The following PAK5 variants were observed in gnomAD, a reference collection of about 807,000 sequenced individuals.
PAK5 encodes the protein p21 (RAC1) activated kinase 5.
In PAK5, 16 loss-of-function variants were observed where a neutral mutation model predicts 65.9. The ratio of observed to expected loss-of-function variants is 0.24; its 90% CI spans 0.16 to 0.37. The LOEUF (loss-of-function observed/expected upper bound fraction) is 0.37, where lower values mean the gene tolerates loss of function less well. Among genes scored for constraint, PAK5 ranks in the 10% least tolerant of loss-of-function variants. The probability of loss-of-function intolerance (pLI) is 1.00; values close to 1 mark genes in which losing one functional copy is unlikely to be tolerated. For synonymous variants in PAK5, 371 were observed against 354.9 expected (o/e 1.05, Z -0.51); for missense variants, 785 against 903.9 (o/e 0.87, Z 1.69).
At chr20:9,675,195 C>T (rs565196680) in intron 2 of PAK5, among the ~76,000 whole-genome samples, 3 of 151,760 alleles carry the variant, frequency 2.0e-5, no homozygotes, top group Non-Finnish European at 4.4e-5. Context: ...ATATATATGA[C>T]AAAAAATAAA....
chr20:9,707,098 T>C (rs1168970098), intron 2 of PAK5, among the ~76,000 whole-genome samples: 3 of 152,160 alleles, frequency 2.0e-5, no homozygotes, highest in African/African-American at 7.2e-5. Context: ...AAATACATAC[T>C]ATCCTGCTGT....
At chr20:9,600,852 G>A (rs942302070) in intron 3 of PAK5, among the ~76,000 whole-genome samples, 1 of 152,178 alleles carries the variant, frequency 6.6e-6, no homozygotes, top group Non-Finnish European at 1.5e-5. Flanking sequence ...AAAGGAGAAC[G>A]GTTAGGGCCC....
intron 2 of PAK5, among the ~76,000 whole-genome samples, chr20:9,687,233 G>A (rs571755283): frequency 2.6e-5 from 4 of 152,280 alleles, no homozygotes; most frequent in South Asian, 2.1e-4. Context: ...TATGGGTGGC[G>A]CTCAGAGAGC....
rs138984794 is a variant in PAK5 at position 9,766,051 on chromosome 20, G to A, written c.-161-54616C>T. Among the ~76,000 whole-genome samples the A allele has an allele frequency of 8.3e-3, 1,264 of 151,764 alleles. 35 individuals carry two copies. The highest frequency in any genetic ancestry group is 0.07 in the East Asian group (356 of 5,110). On this transcript the variant is annotated intron_variant, in intron 1 of 9. Coordinates refer to ENST00000353224, the MANE Select transcript of PAK5 (RefSeq NM_177990.4). ...ATCCTGGCCAAAATGGTGAAACCCC[G>A]TTTCTACTAAAAATACAAAATTTAG...
At chr20:9,631,894 T>C (rs1350492337) in intron 3 of PAK5, among the ~76,000 whole-genome samples, 3 of 152,212 alleles carry the variant, frequency 2.0e-5, no homozygotes, top group African/African-American at 7.2e-5. Context: ...AGTATAAAGT[T>C]GACAGCATAA....
At chr20:9,649,012 C>T (rs2047170381) in intron 2 of PAK5, among the ~76,000 whole-genome samples, 2 of 152,198 alleles carry the variant, frequency 1.3e-5, no homozygotes, top group Admixed American at 6.5e-5. Flanking sequence ...TACCTCCTTC[C>T]ACTCCTCAGT....
chr20:9,640,137 T>A (rs983594216), intron 3 of PAK5, among the ~76,000 whole-genome samples: 1 of 151,760 alleles, frequency 6.6e-6, no homozygotes, highest in Non-Finnish European at 1.5e-5. Context: ...ACATGTGCCA[T>A]GTTGGTGTGC....
At chr20:9,773,945 TACTGGACAGAGC>T (rs1349774014) in intron 1 of PAK5, among the ~76,000 whole-genome samples, 6 of 152,202 alleles carry the variant, frequency 3.9e-5, no homozygotes, top group Admixed American at 6.5e-5. Context: ...TGTTTTCTCA[TACTGGACAGAGC>T]ACTGGACAGT....
intron 1 of PAK5, among the ~76,000 whole-genome samples, chr20:9,808,415 A>G (rs2049258579): frequency 6.6e-6 from 1 of 152,314 alleles, no homozygotes; most frequent in South Asian, 2.1e-4. Flanking sequence ...GAGAATTGAA[A>G]ATGTATGTTC....
chr20:9,646,199 T>A (rs1446211325), intron 2 of PAK5, among the ~76,000 whole-genome samples: 1 of 152,238 alleles, frequency 6.6e-6, no homozygotes, highest in East Asian at 1.9e-4. Context: ...TTACTTCTTT[T>A]AAACACTTGT....
chr20:9,820,830 A>G (rs945963829), intron 1 of PAK5, among the ~76,000 whole-genome samples: 2 of 150,474 alleles, frequency 1.3e-5, no homozygotes, highest in African/African-American at 4.9e-5. Context: ...GAGCCCTGAA[A>G]TGAGAACCAG....
chr20:9,766,396 A>ACT (rs1481132182), intron 1 of PAK5, among the ~76,000 whole-genome samples: 1,084 of 83,830 alleles, frequency 0.013, 157 homozygotes, highest in East Asian at 0.024. Context: ...ATGTATATAT[A>ACT]TATTCAAGCA....
rs141316621 is a variant in PAK5, at chr20:9,578,203, G to T, written c.990+1942C>A. On this transcript the variant is annotated intron_variant, in intron 4 of 9. Transcript: ENST00000353224. The stretch of plus-strand genomic sequence containing the variant: ...TTATGAAACTGTAAGTGTGTCATGT[G>T]GCTCTCTGGGCCTCAGTTTCCCCTT... 3.5e-4 allele frequency among the ~76,000 whole-genome samples: 53 copies of T among 152,258 alleles called. No individual in the cohort carries two copies. In the East Asian group the frequency reaches 0.01, roughly 29 times the overall value.
At chr20:9,810,106 T>G (rs984844218) in intron 1 of PAK5, among the ~76,000 whole-genome samples, 1 of 152,188 alleles carries the variant, frequency 6.6e-6, no homozygotes, top group Non-Finnish European at 1.5e-5. Context: ...TCCTTCCACC[T>G]GTGCAGCAGT....
Position 9,565,980 on chromosome 20 carries a change from G to T in PAK5, c.1395C>A (p.Ile465=), listed in dbSNP as rs2045669990. The change falls in exon 5 of 10, where the codon ATC becomes ATA. Residue 465 remains isoleucine (I), a synonymous_variant. Transcript: ENST00000353224. ...GTTTCCCTGTGTGTTTCTCGGTGGC[G>T]ATGCATACGATGCCGGTTGAGCCTT... The part of the protein sequence containing the change: ...IGEGSTGIVC[I]ATEKHTGKQV... 4 of 1,589,250 alleles carry T rather than the reference G, an allele frequency of 2.5e-6. No homozygotes were observed. Among genetic ancestry groups the T allele is most frequent in the Admixed American group, 1.7e-5 (1 of 57,746 alleles).
chr20:9,562,769 G>A, intron 6 of PAK5, 122 bp downstream of exon 6: 1 of 782,618 alleles, frequency 1.3e-6, no homozygotes. Context: ...GTAGGGGAAA[G>A]GGTAGTCATA....
intron 1 of PAK5, among the ~76,000 whole-genome samples, chr20:9,816,383 C>A (rs1380375972): frequency 6.6e-6 from 1 of 152,132 alleles, no homozygotes; most frequent in African/African-American, 2.4e-5. Flanking sequence ...TCGCAGAATG[C>A]CCACATATCT....
At chr20:9,692,290 T>C (rs184094485) in intron 2 of PAK5, among the ~76,000 whole-genome samples, 131 of 152,318 alleles carry the variant, frequency 8.6e-4, no homozygotes, top group Admixed American at 4.3e-3. Context: ...AGGTTAAAGA[T>C]GGCTTTTGTA....
At chr20:9,795,030 G>A (rs1256324760) in intron 1 of PAK5, among the ~76,000 whole-genome samples, 2 of 151,778 alleles carry the variant, frequency 1.3e-5, no homozygotes, top group African/African-American at 2.4e-5. Flanking sequence ...TTGCCCTTCT[G>A]GATCCAATAC....
Sources: allele counts gnomAD v4.1 joint callset (sites outside exome capture counted in the v4.1 genomes callset), GRCh38; gene constraint gnomAD v4.1.1; transcripts MANE v1.5; gene names NCBI Gene and HGNC (gene_info 2026-07-23, HGNC 2026-07-21).